Variants in CPA6 observed in about 807,000 individuals in gnomAD.
The protein encoded by CPA6 is carboxypeptidase B.
Under a neutral mutation model 63.3 loss-of-function variants are expected in CPA6, and 58 were observed. The ratio of observed to expected loss-of-function variants is 0.92; its 90% confidence interval spans 0.74 to 1.14. The LOEUF is 1.14. CPA6 is among the 50% of genes most tolerant of loss of function. The pLI is 0.00. For missense variants in CPA6, 565 were observed against 526.6 expected (o/e 1.07, Z -0.71); for synonymous variants, 185 against 179.0 (o/e 1.03, Z -0.27).
intron 1 of CPA6, among the ~76,000 whole-genome samples, chr8:67,668,797 G>A (rs1395932336): frequency 2.0e-5 from 3 of 151,750 alleles, no homozygotes; most frequent in African/African-American, 7.3e-5. Flanking sequence ...AATGAAGAGA[G>A]GAAACTGACG....
chr8:67,484,470 A>AT (rs750288812), intron 7 of CPA6, among the ~76,000 whole-genome samples: 223 of 152,272 alleles, frequency 1.5e-3, no homozygotes, highest in Non-Finnish European at 2.7e-3. Context: ...AGGAATCTTT[A>AT]TTTATGTGAA....
chr8:67,579,159 C>G (rs1325043834), intron 2 of CPA6, among the ~76,000 whole-genome samples: 135 of 152,308 alleles, frequency 8.9e-4, no homozygotes, highest in African/African-American at 3.0e-3. Flanking sequence ...GCCTGTAATC[C>G]CAGCACTTTA....
chr8:67,675,343 G>C (rs1816446685), intron 1 of CPA6, among the ~76,000 whole-genome samples: 1 of 152,114 alleles, frequency 6.6e-6, no homozygotes, highest in African/African-American at 2.4e-5. Context: ...CACAATCGAG[G>C]GGCTGCCTGC....
intron 10 of CPA6, 129 bp downstream of exon 10, chr8:67,427,918 C>T (rs541531759): frequency 6.6e-6 from 4 of 605,184 alleles, no homozygotes; most frequent in Admixed American, 3.2e-5. Context: ...TTCTATTTTC[C>T]TCAGCTAATT....
chr8:67,706,105 T>C (rs752206214), intron 1 of CPA6, among the ~76,000 whole-genome samples: 15 of 152,172 alleles, frequency 9.9e-5, no homozygotes, highest in Non-Finnish European at 1.5e-4. Flanking sequence ...CATAAAAAGA[T>C]TCATGAAAGG....
At chr8:67,560,628 G>T (rs548491013) in intron 2 of CPA6, among the ~76,000 whole-genome samples, 3 of 152,134 alleles carry the variant, frequency 2.0e-5, no homozygotes, top group African/African-American at 7.2e-5. Context: ...GCTGGAAAAG[G>T]GGGGAAAGGG....
Position 67,624,216 on chromosome 8 carries a change from T to A in CPA6, c.152A>T (p.Glu51Val). ...TATTTTCTTCAGTGCATATGCTTCC[T>A]CTTCTGTTTTGGGAATAAATCTTAT... The part of the protein sequence containing the change: ...KVIRFIPKTE[E>V]EAYALKKISY... Residue 51 changes from glutamate to valine, a missense_variant, in exon 2 of 11, where the codon GAG becomes GTG. Transcript: ENST00000297770. 2 of 1,547,028 alleles carry A rather than the reference T, an allele frequency of 1.3e-6. 1 individual carries two copies. The highest frequency in any genetic ancestry group is 2.3e-5 in the South Asian group (2 of 88,518).
At chr8:67,694,585 G>A (rs189257759) in intron 1 of CPA6, among the ~76,000 whole-genome samples, 158 of 152,288 alleles carry the variant, frequency 1.0e-3, no homozygotes, top group Non-Finnish European at 2.0e-3. Flanking sequence ...ATGAAGAAGT[G>A]GCTTAAATGC....
chr8:67,725,517 A>T (rs1182059012), intron 1 of CPA6, among the ~76,000 whole-genome samples: 2 of 152,160 alleles, frequency 1.3e-5, no homozygotes, highest in Admixed American at 1.3e-4. Context: ...TTAATGTACC[A>T]GTATTTTACA....
intron 2 of CPA6, among the ~76,000 whole-genome samples, chr8:67,595,067 G>A (rs1178686360): frequency 3.3e-5 from 5 of 152,024 alleles, no homozygotes; most frequent in African/African-American, 1.2e-4. Context: ...TGGTGTGGAT[G>A]TCCTTTCTGT....
intron 2 of CPA6, among the ~76,000 whole-genome samples, chr8:67,618,089 T>A (rs765841834): frequency 3.3e-5 from 5 of 152,194 alleles, no homozygotes; most frequent in Non-Finnish European, 7.3e-5. Context: ...ACATCTGCAA[T>A]CCTTTTACAA....
intron 1 of CPA6, among the ~76,000 whole-genome samples, chr8:67,719,946 T>C (rs1817460105): frequency 6.6e-6 from 1 of 152,106 alleles, no homozygotes; most frequent in African/African-American, 2.4e-5. Flanking sequence ...CATATGGGAC[T>C]GAGTTGTGGG....
intron 9 of CPA6, among the ~76,000 whole-genome samples, chr8:67,431,820 C>T (rs148216280): frequency 4.6e-5 from 7 of 152,190 alleles, no homozygotes; most frequent in Non-Finnish European, 7.4e-5. Context: ...ATGCCAAGAA[C>T]AAAATTCTCT....
intron 2 of CPA6, among the ~76,000 whole-genome samples, chr8:67,587,010 T>A (rs1813956698): frequency 6.6e-6 from 1 of 152,200 alleles, no homozygotes; most frequent in African/African-American, 2.4e-5. Flanking sequence ...TACTGGAGAT[T>A]GAAACTAGTA....
chr8:67,475,704 TTTCCTTCCC>T (rs1251297607), intron 8 of CPA6, among the ~76,000 whole-genome samples: 5 of 152,012 alleles, frequency 3.3e-5, no homozygotes, highest in Non-Finnish European at 7.4e-5. Flanking sequence ...TTTTCTTTCC[TTTCCTTCCC>T]TTCCTTCCCT....
intron 4 of CPA6, 100 bp from the exon 5 acceptor site, chr8:67,509,718 C>A: frequency 1.7e-6 from 1 of 571,912 alleles, no homozygotes; most frequent in South Asian, 2.7e-5. Flanking sequence ...TCTCCGAATT[C>A]AAGGAGTGCA....
rs1473881992 is a variant in CPA6 at position 67,535,732 on chromosome 8, G to C, written c.193-17685C>G. Among the ~76,000 whole-genome samples, 9 of 152,114 alleles carry C rather than the reference G, an allele frequency of 5.9e-5. No homozygotes were observed. The East Asian group carries it at 1.5e-3, about 26-fold the overall frequency. On this transcript the variant is annotated intron_variant, in intron 2 of 10. Transcript: ENST00000297770. ...TAATTAGATCCCATTTGTCAATTTT[G>C]GCTTTTGTTGCAATTAATTTTGGTG...
At chr8:67,444,344 G>A (rs186271793) in intron 8 of CPA6, among the ~76,000 whole-genome samples, 6 of 152,242 alleles carry the variant, frequency 3.9e-5, no homozygotes, top group Non-Finnish European at 8.8e-5. Flanking sequence ...TGGACATATA[G>A]GGAGAAAAGG....
chr8:67,712,303 T>C (rs893177513), intron 1 of CPA6, among the ~76,000 whole-genome samples: 1 of 152,152 alleles, frequency 6.6e-6, no homozygotes, highest in African/African-American at 2.4e-5. Flanking sequence ...AATTTGTGGA[T>C]ATATGTTTGC....
Sources: allele counts gnomAD v4.1 joint callset (sites outside exome capture counted in the v4.1 genomes callset), GRCh38; gene constraint gnomAD v4.1.1; transcripts MANE v1.5; gene names NCBI Gene and HGNC (gene_info 2026-07-23, HGNC 2026-07-21).